The following CDH4 variants were observed in gnomAD, a reference collection of about 807,000 sequenced individuals.
CDH4 encodes the protein cadherin 4.
A neutral mutation model predicts 86.0 loss-of-function variants in CDH4; 33 were observed. That is an observed-to-expected ratio of 0.38 (90% confidence interval 0.29 to 0.51). The LOEUF is 0.51. CDH4 is among the 20% of genes least tolerant of loss of function. The pLI is 0.86. For synonymous variants in CDH4, 555 were observed against 549.4 expected (o/e 1.01, Z -0.14); for missense variants, 1,114 against 1,307.4 (o/e 0.85, Z 2.28).
At chr20:61,574,087 C>T (rs931828870) in intron 2 of CDH4, among the ~76,000 whole-genome samples, 2 of 152,222 alleles carry the variant, frequency 1.3e-5, no homozygotes, top group Non-Finnish European at 2.9e-5. Context: ...TTCAAGAACC[C>T]ATTCACCAGC....
intron 8 of CDH4, among the ~76,000 whole-genome samples, chr20:61,910,187 T>A (rs11699608): frequency 1.3e-5 from 2 of 150,692 alleles, no homozygotes; most frequent in South Asian, 2.1e-4. Context: ...TGGGCTGACA[T>A]GGTGTGTTCT....
rs111242183 is a variant in CDH4, at chr20:61,474,313, A to C, written c.169+219376A>C. Among the ~76,000 whole-genome samples the C allele has an allele frequency of 2.7e-3, 403 of 148,238 alleles. 2 individuals are homozygous for C. The highest frequency in any genetic ancestry group is 0.018 in the Middle Eastern group (5 of 280). The stretch of plus-strand genomic sequence containing the variant: ...GTAGCTGGGATTACAGGCGTGCACC[A>C]CCACACCCAGCTAATTTTTTTTTTT... On this transcript the variant is annotated intron_variant, in intron 2 of 15. Transcript: ENST00000614565.
At chr20:61,476,783 G>A (rs958038430) in intron 2 of CDH4, among the ~76,000 whole-genome samples, 17 of 152,346 alleles carry the variant, frequency 1.1e-4, no homozygotes, top group South Asian at 2.1e-4. Context: ...AAAGGACATG[G>A]CTGGGGACAG....
In CDH4 at chr20:61,879,609, A is replaced by C. The variant is rs1420726155; in HGVS notation, c.1050+5709A>C. ...GCTTCGATAAGACCTGAGCGGTTCA[A>C]GTGTCTCTCGTGTACCAGCCGAAGA... is the stretch of plus-strand genomic sequence containing the variant. On this transcript the variant is annotated intron_variant, in intron 7 of 15. Transcript: ENST00000614565. This position sits in a 1 kb window ranked among gnomAD's most constrained non-coding sequence, Gnocchi z 4.1. Among the ~76,000 whole-genome samples, 1 of 152,176 alleles carries C rather than the reference A, an allele frequency of 6.6e-6. No individual in the cohort carries two copies. Among genetic ancestry groups the C allele is most frequent in the African/African-American group, 2.4e-5 (1 of 41,432 alleles).
rs114693212 is a variant in CDH4 at position 61,371,323 on chromosome 20, G to A, written c.169+116386G>A. Among the ~76,000 whole-genome samples the A allele has an allele frequency of 9.3e-3, 1,422 of 152,282 alleles. 28 individuals carry two copies. Among genetic ancestry groups the A allele is most frequent in the African/African-American group, 0.033 (1,364 of 41,550 alleles). On this transcript the variant is annotated intron_variant, in intron 2 of 15. Coordinates refer to ENST00000614565, the MANE Select transcript of CDH4 (RefSeq NM_001794.5). ...AGCGTCCCCCAGGCAGACCCCCTTC[G>A]GGCTCTGAGGCCGGGGTTGGATGAA...
chr20:61,772,711 C>T lies in CDH4; in HGVS notation c.397-292C>T, dbSNP rs149714515. Among the ~76,000 whole-genome samples the T allele has an allele frequency of 2.6e-3, 396 of 152,320 alleles. 9 individuals carry two copies. The East Asian group carries it at 0.054, about 21-fold the overall frequency. Reference sequence around the variant, plus strand: ...GTGAGCTTAAAAAGCCCTGTCTACACTATTGGTGACATTGTCCACTATATT... The same window carrying T: ...GTGAGCTTAAAAAGCCCTGTCTACATTATTGGTGACATTGTCCACTATATT... On this transcript the variant is annotated intron_variant, in intron 3 of 15. Transcript: ENST00000614565.
intron 2 of CDH4, among the ~76,000 whole-genome samples, chr20:61,589,118 T>C (rs6089241): frequency 0.027 from 4,091 of 152,302 alleles, 72 homozygotes; most frequent in Non-Finnish European, 0.044. Context: ...TAAAACATGA[T>C]TTATTTGCTT....
intron 2 of CDH4, among the ~76,000 whole-genome samples, chr20:61,287,333 G>T (rs1568782725): frequency 6.6e-6 from 1 of 152,056 alleles, no homozygotes; most frequent in Non-Finnish European, 1.5e-5. Context: ...AACATAGCTG[G>T]GTGTGGTGGT....
At chr20:61,576,818 G>A (rs902095360) in intron 2 of CDH4, among the ~76,000 whole-genome samples, 18 of 152,330 alleles carry the variant, frequency 1.2e-4, no homozygotes, top group African/African-American at 4.3e-4. Context: ...GTGGCAAAAT[G>A]TGTACCTCTC....
chr20:61,683,874 C>T (rs938405393), intron 2 of CDH4, among the ~76,000 whole-genome samples: 1 of 152,210 alleles, frequency 6.6e-6, no homozygotes, highest in African/African-American at 2.4e-5. Context: ...GGTGCACCGC[C>T]TAGCTGGCAC....
At chr20:61,835,060 T>C (rs979953625) in intron 4 of CDH4, among the ~76,000 whole-genome samples, 6 of 152,182 alleles carry the variant, frequency 3.9e-5, no homozygotes, top group Non-Finnish European at 7.4e-5. Flanking sequence ...AAAATAAGAA[T>C]ACAGAGTTCA....
At chr20:61,364,828 T>C (rs911180803) in intron 2 of CDH4, among the ~76,000 whole-genome samples, 2 of 152,232 alleles carry the variant, frequency 1.3e-5, no homozygotes, top group African/African-American at 4.8e-5. Context: ...GCAAGATCCC[T>C]TGTGGCTTTC....
chr20:61,650,306 G>A (rs577454661), intron 2 of CDH4, among the ~76,000 whole-genome samples: 1 of 152,324 alleles, frequency 6.6e-6, no homozygotes, highest in African/African-American at 2.4e-5. Flanking sequence ...CGTGAAAACA[G>A]GGTCTGTGTT....
In CDH4 at chr20:61,743,800, A is replaced by G; in HGVS notation, c.396+11A>G. 6.3e-7 allele frequency: 1 copy of G among 1,575,804 alleles called. No individual in the cohort carries two copies. The highest frequency in any genetic ancestry group is 1.2e-5 in the South Asian group (1 of 86,544). ...CACTCTGGACACAAGGTAAGGTGTG[A>G]CCGCCCGGGTCTGCGCTGGAGTTTA... is the stretch of plus-strand genomic sequence containing the variant. On this transcript the variant is annotated intron_variant, in intron 3 of 15. Coordinates refer to ENST00000614565, the MANE Select transcript of CDH4 (RefSeq NM_001794.5).
intron 2 of CDH4, among the ~76,000 whole-genome samples, chr20:61,296,193 T>C (rs1230726119): frequency 6.6e-6 from 1 of 151,818 alleles, no homozygotes; most frequent in East Asian, 1.9e-4. Flanking sequence ...TGTGTGCGTG[T>C]GTGTGTGTGA....
At chr20:61,638,259 A>C (rs1374820023) in intron 2 of CDH4, among the ~76,000 whole-genome samples, 1 of 152,176 alleles carries the variant, frequency 6.6e-6, no homozygotes, top group Non-Finnish European at 1.5e-5. Context: ...AGCCCTGAGT[A>C]AACACTTACC....
chr20:61,653,670 G>T (rs1244524839), intron 2 of CDH4, among the ~76,000 whole-genome samples: 7,579 of 109,964 alleles, frequency 0.069, 645 homozygotes, highest in Non-Finnish European at 0.097. Context: ...TTCTCAGACA[G>T]GGCGGCCGGG....
intron 2 of CDH4, among the ~76,000 whole-genome samples, chr20:61,439,533 G>A (rs2085303711): frequency 6.6e-6 from 1 of 152,226 alleles, no homozygotes; most frequent in Admixed American, 6.5e-5. Flanking sequence ...AGCAAAGACT[G>A]GACATGGTTC....
At chr20:61,402,227 G>A (rs1459993209) in intron 2 of CDH4, among the ~76,000 whole-genome samples, 2 of 152,168 alleles carry the variant, frequency 1.3e-5, no homozygotes, top group Non-Finnish European at 2.9e-5. Context: ...GTAAAATGAT[G>A]CAGTATTTGT....
Sources: allele counts gnomAD v4.1 joint callset (sites outside exome capture counted in the v4.1 genomes callset), GRCh38; gene constraint gnomAD v4.1.1; non-coding constraint Gnocchi (gnomAD v3.1); transcripts MANE v1.5; gene names NCBI Gene and HGNC (gene_info 2026-07-23, HGNC 2026-07-21).